CSMD3: variants seen among roughly 807,000 people sequenced by gnomAD.
The protein encoded by CSMD3 is CUB and Sushi multiple domains 3, also known as CUB and sushi domain-containing protein 3.
CSMD3 carries 177 observed loss-of-function variants against 435.2 expected under a neutral mutation model. The observed-to-expected ratio is 0.41, with a 90% CI of 0.36 to 0.46. The LOEUF is 0.46. Ranked by LOEUF, CSMD3 falls within the 20% of genes least tolerant of loss-of-function variation. The pLI is 0.34. For missense variants in CSMD3, 4,265 were observed against 4,504.6 expected (o/e 0.95, Z 1.52); for synonymous variants, 1,656 against 1,520.5 (o/e 1.09, Z -2.07).
chr8:112,776,252 G>C (rs1456960911), intron 13 of CSMD3, among the ~76,000 whole-genome samples: 1 of 151,584 alleles, frequency 6.6e-6, no homozygotes, highest in African/African-American at 2.4e-5. Context: ...ACAAAATAAG[G>C]TTCTTACCCA....
intron 3 of CSMD3, among the ~76,000 whole-genome samples, chr8:113,197,742 T>C (rs1356678938): frequency 6.6e-6 from 1 of 151,254 alleles, no homozygotes; most frequent in East Asian, 1.9e-4. Context: ...ACATCATTTT[T>C]CTGTCAATAA....
chr8:113,162,265 A>T (rs2092055760), intron 4 of CSMD3, among the ~76,000 whole-genome samples: 1 of 152,034 alleles, frequency 6.6e-6, no homozygotes, highest in Non-Finnish European at 1.5e-5. Context: ...AAGAAGAATA[A>T]CAATAGCGGT....
chr8:112,314,722 G>T, intron 47 of CSMD3, 105 bp from the exon 48 acceptor site: 1 of 780,706 alleles, frequency 1.3e-6, no homozygotes, highest in Non-Finnish European at 2.2e-6. Context: ...TAGCTATAAG[G>T]ATGATACGTT....
rs574380427 is a variant in CSMD3 at position 113,176,912 on chromosome 8, G to A, written c.515-2996C>T. ...ACCCAAACTTAAAAAAAAAAATAAA[G>A]TATGTTTAAAAAAGAAAAGAAAATG... On this transcript the variant is annotated intron_variant, in intron 3 of 70. Coordinates refer to ENST00000297405, the MANE Select transcript of CSMD3 (RefSeq NM_198123.2). Among the ~76,000 whole-genome samples, 4 of 150,530 alleles carry A rather than the reference G, an allele frequency of 2.7e-5. No individual in the cohort carries two copies. The East Asian group carries it at 7.8e-4, about 29-fold the overall frequency.
intron 3 of CSMD3, among the ~76,000 whole-genome samples, chr8:113,247,019 A>T (rs59409766): frequency 1.3e-5 from 2 of 152,186 alleles, no homozygotes; most frequent in African/African-American, 2.4e-5. Context: ...GAGTTTTCTA[A>T]GGTATTCTCT....
chr8:112,441,939 T>G (rs62516466), intron 32 of CSMD3, among the ~76,000 whole-genome samples: 30,696 of 152,022 alleles, frequency 0.2, 3,725 homozygotes, highest in East Asian at 0.38. Context: ...TTTTTTTTGG[T>G]AAACATTTGA....
intron 31 of CSMD3, among the ~76,000 whole-genome samples, chr8:112,477,924 G>T (rs1474756293): frequency 6.6e-6 from 1 of 152,126 alleles, no homozygotes; most frequent in African/African-American, 2.4e-5. Flanking sequence ...GGTGTAAAAA[G>T]AACCTGGTGG....
intron 22 of CSMD3, among the ~76,000 whole-genome samples, chr8:112,615,274 A>G (rs1192275935): frequency 6.6e-6 from 1 of 152,110 alleles, no homozygotes; most frequent in East Asian, 1.9e-4. Flanking sequence ...GATGAGACTA[A>G]TTTAGGAGCT....
At chr8:112,917,787 A>G (rs2082617493) in intron 10 of CSMD3, among the ~76,000 whole-genome samples, 1 of 151,982 alleles carries the variant, frequency 6.6e-6, no homozygotes, top group African/African-American at 2.4e-5. Flanking sequence ...AAACCAGGAG[A>G]TACATAAGAT....
intron 63 of CSMD3, among the ~76,000 whole-genome samples, chr8:112,252,996 A>G (rs571367431): frequency 4.0e-5 from 6 of 151,894 alleles, no homozygotes; most frequent in South Asian, 4.1e-4. Context: ...ATTTTGTTGG[A>G]TGACTGTTTT....
At chr8:112,659,242 A>C (rs2075324359) in intron 17 of CSMD3, among the ~76,000 whole-genome samples, 1 of 152,220 alleles carries the variant, frequency 6.6e-6, no homozygotes. Flanking sequence ...AATACATTCT[A>C]ATAACAAGCA....
intron 10 of CSMD3, among the ~76,000 whole-genome samples, chr8:112,895,001 G>T (rs7824036): frequency 6.6e-6 from 1 of 151,350 alleles, no homozygotes. Flanking sequence ...TCATGGATGA[G>T]AGTTTGACTT....
intron 13 of CSMD3, among the ~76,000 whole-genome samples, chr8:112,779,988 T>G (rs2132237689): frequency 6.6e-6 from 1 of 152,224 alleles, no homozygotes; most frequent in Admixed American, 6.5e-5. Flanking sequence ...ATTAATATTT[T>G]TCTTTGATTT....
At chr8:113,042,362 T>C (rs1472930622) in intron 5 of CSMD3, among the ~76,000 whole-genome samples, 1 of 152,160 alleles carries the variant, frequency 6.6e-6, no homozygotes, top group Non-Finnish European at 1.5e-5. Context: ...ATAAGATTAA[T>C]ACTATGTCTT....
At chr8:112,554,682 C>T (rs1484935890) in intron 25 of CSMD3, among the ~76,000 whole-genome samples, 1 of 151,844 alleles carries the variant, frequency 6.6e-6, no homozygotes, top group Non-Finnish European at 1.5e-5. Flanking sequence ...GTGTCATATG[C>T]TGTAGTACTG....
intron 9 of CSMD3, among the ~76,000 whole-genome samples, chr8:112,945,989 C>A (rs1015529777): frequency 2.0e-5 from 3 of 151,668 alleles, no homozygotes; most frequent in African/African-American, 7.3e-5. Flanking sequence ...TTATTATTTT[C>A]TTTTTGACTT....
At chr8:112,910,220 C>T (rs993564137) in intron 10 of CSMD3, among the ~76,000 whole-genome samples, 2 of 151,692 alleles carry the variant, frequency 1.3e-5, no homozygotes, top group Non-Finnish European at 2.9e-5. Context: ...GTGATTTTCA[C>T]GTGCAGCCAG....
At chr8:112,282,029 TA>T (rs1191866524) in intron 58 of CSMD3, among the ~76,000 whole-genome samples, 1 of 152,144 alleles carries the variant, frequency 6.6e-6, no homozygotes, top group Non-Finnish European at 1.5e-5. Context: ...AACAATATGT[TA>T]ATTTTTAAAC....
At chr8:113,186,520 C>T (rs1365964063) in intron 3 of CSMD3, among the ~76,000 whole-genome samples, 1 of 152,032 alleles carries the variant, frequency 6.6e-6, no homozygotes, top group Non-Finnish European at 1.5e-5. Context: ...GACGCTTTCC[C>T]ATTGTCAATA....
Sources: gnomAD v4.1 joint callset for allele counts (sites outside exome capture counted in the v4.1 genomes callset) on GRCh38, gnomAD v4.1.1 for gene constraint, MANE v1.5 for transcripts, NCBI Gene and HGNC (gene_info 2026-07-23, HGNC 2026-07-21) for gene names.